The following KAZN variants were observed in gnomAD, a reference collection of about 807,000 sequenced individuals.
KAZN encodes kazrin, periplakin interacting protein.
KAZN carries 40 observed loss-of-function variants against 87.4 expected under a neutral mutation model. The ratio of observed to expected loss-of-function variants is 0.46; its 90% confidence interval spans 0.36 to 0.60. The LOEUF is 0.60. Ranked by LOEUF, KAZN falls within the 20% of genes least tolerant of loss-of-function variation. KAZN has a pLI of 0.00. For missense variants in KAZN, 898 were observed against 1,073.9 expected, an observed-to-expected ratio of 0.84 and a Z score of 2.29; for synonymous variants, 466 against 458.3, an observed-to-expected ratio of 1.02 and a Z score of -0.22.
At chr1:14,278,126 C>T (rs1304055414) in intron 2 of KAZN, among the ~76,000 whole-genome samples, 4 of 144,232 alleles carry the variant, frequency 2.8e-5, no homozygotes, top group Non-Finnish European at 4.5e-5. Flanking sequence ...GTCAAGATCG[C>T]GCCACTGCAC....
At chr1:13,962,466 C>T (rs1641789929) in intron 1 of KAZN, among the ~76,000 whole-genome samples, 1 of 152,144 alleles carries the variant, frequency 6.6e-6, no homozygotes, top group South Asian at 2.1e-4. Context: ...CCATGTGGGG[C>T]TCTCTGGGGC....
chr1:14,156,506 A>G (rs1232664000), intron 1 of KAZN, among the ~76,000 whole-genome samples: 1 of 152,194 alleles, frequency 6.6e-6, no homozygotes, highest in African/African-American at 2.4e-5. Flanking sequence ...TGCTTTATAT[A>G]TCTGGGTCCT....
In KAZN at chr1:15,034,980, C is replaced by A; in HGVS notation, c.555+95C>A. ...CCTTCACAGGCTCTGCCTCTTGAAT[C>A]CCCAAACACAGATAGGGAGGCCCTT... is the stretch of plus-strand genomic sequence containing the variant. On this transcript the variant is annotated intron_variant, in intron 3 of 14. Transcript: ENST00000376030. 8 of 1,471,104 alleles carry A rather than the reference C, an allele frequency of 5.4e-6. No individual in the cohort carries two copies. The South Asian group carries it at 6.2e-5, about 11-fold the overall frequency. The allele number at this position is 1,471,104 out of a possible 1,614,324, so 91.1% of individuals were successfully genotyped here.
chr1:14,273,024 A>G (rs938448188), intron 2 of KAZN, among the ~76,000 whole-genome samples: 1 of 152,158 alleles, frequency 6.6e-6, no homozygotes, highest in Non-Finnish European at 1.5e-5. Flanking sequence ...GCTTAGAGAG[A>G]GGAAACGACT....
At chr1:14,334,123 C>T (rs376557138) in intron 2 of KAZN, among the ~76,000 whole-genome samples, 32 of 151,730 alleles carry the variant, frequency 2.1e-4, no homozygotes, top group African/African-American at 6.8e-4. Context: ...CCTAGCACTT[C>T]GGGAGGCCAA....
At chr1:14,863,232 G>A (rs1383092436) in intron 1 of KAZN, among the ~76,000 whole-genome samples, 1 of 152,158 alleles carries the variant, frequency 6.6e-6, no homozygotes, top group Admixed American at 6.5e-5. Flanking sequence ...AGCAGCCAAA[G>A]GCATCCCCCG....
At chr1:14,675,638 C>T (rs756262954) in intron 1 of KAZN, among the ~76,000 whole-genome samples, 1 of 152,172 alleles carries the variant, frequency 6.6e-6, no homozygotes, top group Non-Finnish European at 1.5e-5. Context: ...TATTACCCAT[C>T]TCCATCATTA....
At chr1:15,109,833 TG>T (rs1480734030) in intron 13 of KAZN, among the ~76,000 whole-genome samples, 2 of 151,210 alleles carry the variant, frequency 1.3e-5, no homozygotes, top group East Asian at 2.0e-4. Flanking sequence ...TATGTGTATG[TG>T]GTGTTTGTGT....
intron 2 of KAZN, among the ~76,000 whole-genome samples, chr1:15,001,852 G>A (rs1481124252): frequency 6.8e-6 from 1 of 146,826 alleles, no homozygotes; most frequent in African/African-American, 2.6e-5. Flanking sequence ...GTCCCTCTTG[G>A]CCCCACAAAG....
chr1:14,584,073 C>A (rs1468155669), intron 2 of KAZN, among the ~76,000 whole-genome samples: 1 of 152,140 alleles, frequency 6.6e-6, no homozygotes, highest in South Asian at 2.1e-4. Context: ...CCTGGTCTGC[C>A]CAGGATTCCT....
chr1:14,686,347 G>A (rs2148773378), intron 1 of KAZN, among the ~76,000 whole-genome samples: 1 of 152,228 alleles, frequency 6.6e-6, no homozygotes, highest in Admixed American at 6.5e-5. Flanking sequence ...ACAGGCGTGA[G>A]CCACCACGCC....
chr1:14,258,648 A>G (rs1315188500), intron 2 of KAZN, among the ~76,000 whole-genome samples: 5 of 152,232 alleles, frequency 3.3e-5, no homozygotes, highest in African/African-American at 1.2e-4. Context: ...GCTTTGCTTC[A>G]GAATATTAAA....
intron 2 of KAZN, among the ~76,000 whole-genome samples, chr1:14,580,605 C>G (rs1020216767): frequency 3.9e-5 from 6 of 152,120 alleles, no homozygotes; most frequent in African/African-American, 1.4e-4. Context: ...AGGCCTATAG[C>G]TGTGAGTTGG....
intron 1 of KAZN, among the ~76,000 whole-genome samples, chr1:14,843,523 T>C (rs555776189): frequency 2.3e-4 from 35 of 152,326 alleles, no homozygotes; most frequent in Non-Finnish European, 4.7e-4. Context: ...AGATGACCTT[T>C]CTGCCGTGCC....
At chr1:14,771,647 G>A (rs996894914) in intron 1 of KAZN, among the ~76,000 whole-genome samples, 1 of 152,010 alleles carries the variant, frequency 6.6e-6, no homozygotes, top group African/African-American at 2.4e-5. Context: ...CCAACATGGT[G>A]AAACCCCGTC....
chr1:14,319,588 A>G (rs1254468146), intron 2 of KAZN, among the ~76,000 whole-genome samples: 4 of 152,120 alleles, frequency 2.6e-5, no homozygotes, highest in Non-Finnish European at 4.4e-5. Flanking sequence ...CTGAACTCAT[A>G]TACTGTCCTT....
At chr1:13,907,228 C>A (rs970440059) in intron 1 of KAZN, among the ~76,000 whole-genome samples, 17 of 152,206 alleles carry the variant, frequency 1.1e-4, no homozygotes, top group Admixed American at 9.2e-4. Context: ...GGCACCCCCT[C>A]CAGGACTAGA....
intron 1 of KAZN, among the ~76,000 whole-genome samples, chr1:14,141,644 T>G (rs1192615101): frequency 1.3e-5 from 2 of 152,140 alleles, no homozygotes; most frequent in Non-Finnish European, 2.9e-5. Context: ...TTGCTTTCAA[T>G]AATTTGAGAC....
At chr1:14,494,809 C>T (rs528365177) in intron 2 of KAZN, among the ~76,000 whole-genome samples, 2 of 152,268 alleles carry the variant, frequency 1.3e-5, no homozygotes, top group East Asian at 3.9e-4. Flanking sequence ...AATTAAAATG[C>T]ATTCGGTGCA....
Sources: gnomAD v4.1 joint callset for allele counts (sites outside exome capture counted in the v4.1 genomes callset) on GRCh38, gnomAD v4.1.1 for gene constraint, MANE v1.5 for transcripts, NCBI Gene and HGNC (gene_info 2026-07-23, HGNC 2026-07-21) for gene names.